Variants in SORCS3 observed in about 807,000 individuals in gnomAD.
The protein encoded by SORCS3 is sortilin related VPS10 domain containing receptor 3.
In SORCS3, 57 loss-of-function variants were observed where a neutral mutation model predicts 146.3. That is an observed-to-expected ratio of 0.39 (90% CI 0.31 to 0.49). The LOEUF (loss-of-function observed/expected upper bound fraction) is 0.49, where lower values mean the gene tolerates loss of function less well. SORCS3 is among the 20% of genes least tolerant of loss of function. The pLI, the probability that SORCS3 is intolerant of heterozygous loss-of-function variation, is 0.92. For synonymous variants in SORCS3, 653 were observed against 618.5 expected (o/e 1.06, Z -0.83); for missense variants, 1,341 against 1,575.5 (o/e 0.85, Z 2.52).
intron 22 of SORCS3, among the ~76,000 whole-genome samples, chr10:105,250,948 A>G (rs2056894461): frequency 6.6e-6 from 1 of 152,174 alleles, no homozygotes; most frequent in South Asian, 2.1e-4. Flanking sequence ...AGCTGAGCAA[A>G]TGGAAAACAA....
At chr10:104,952,255 G>GAAAAAAAA (rs55880149) in intron 3 of SORCS3, among the ~76,000 whole-genome samples, 5 of 40,622 alleles carry the variant, frequency 1.2e-4, no homozygotes, top group Non-Finnish European at 2.2e-4. Context: ...ATGAATGTTT[G>GAAAAAAAA]AAAAAAAAAA....
chr10:105,246,259 T>C (rs2056865612), intron 21 of SORCS3, among the ~76,000 whole-genome samples: 1 of 152,196 alleles, frequency 6.6e-6, no homozygotes, highest in Non-Finnish European at 1.5e-5. Flanking sequence ...TCTACTGCCA[T>C]TTCACACAAC....
chr10:104,661,043 T>C (rs2015693977), intron 1 of SORCS3, among the ~76,000 whole-genome samples: 1 of 152,242 alleles, frequency 6.6e-6, no homozygotes, highest in Non-Finnish European at 1.5e-5. Flanking sequence ...AATTTGCCAT[T>C]AGAATCATTT....
chr10:105,222,789 G>A (rs1447448347), intron 19 of SORCS3, among the ~76,000 whole-genome samples: 2 of 152,152 alleles, frequency 1.3e-5, no homozygotes, highest in African/African-American at 2.4e-5. Context: ...AAAATAGACT[G>A]CTGTTTATCT....
At chr10:104,905,409 G>A (rs2018895130) in intron 2 of SORCS3, among the ~76,000 whole-genome samples, 1 of 152,134 alleles carries the variant, frequency 6.6e-6, no homozygotes, top group South Asian at 2.1e-4. Context: ...TGGCCAGTAG[G>A]ACAACTGGTA....
At chr10:104,701,670 G>A (rs574113582) in intron 1 of SORCS3, among the ~76,000 whole-genome samples, 3 of 152,280 alleles carry the variant, frequency 2.0e-5, no homozygotes, top group Admixed American at 1.3e-4. Context: ...GTTTTCTGTA[G>A]CTTTCTCACT....
At chr10:105,088,400 A>G (rs2055677839) in intron 5 of SORCS3, among the ~76,000 whole-genome samples, 1 of 152,226 alleles carries the variant, frequency 6.6e-6, no homozygotes, top group South Asian at 2.1e-4. Context: ...TTGGGGAAAG[A>G]AGTGTTTTAC....
At chr10:104,695,457 G>T (rs1027998694) in intron 1 of SORCS3, among the ~76,000 whole-genome samples, 2 of 151,608 alleles carry the variant, frequency 1.3e-5, no homozygotes, top group Non-Finnish European at 2.9e-5. Flanking sequence ...CTTGTAGGTG[G>T]TTATAAAAGA....
At chr10:105,184,375 C>G (rs997924399) in intron 14 of SORCS3, among the ~76,000 whole-genome samples, 1 of 152,180 alleles carries the variant, frequency 6.6e-6, no homozygotes, top group Non-Finnish European at 1.5e-5. Context: ...CCCCCCCAAC[C>G]ATTTAAAATG....
intron 6 of SORCS3, among the ~76,000 whole-genome samples, chr10:105,093,575 A>G (rs576015245): frequency 6.6e-6 from 1 of 152,312 alleles, no homozygotes; most frequent in African/African-American, 2.4e-5. Context: ...ATTAAATAAA[A>G]GTTTGAATAG....
rs537015496 is a variant in SORCS3 at position 105,069,183 on chromosome 10, A to G, written c.1029-20592A>G. 1.7e-3 allele frequency among the ~76,000 whole-genome samples: 255 copies of G among 152,318 alleles called. 3 individuals carry two copies. Among genetic ancestry groups the G allele is most frequent in the South Asian group, 5.4e-3 (26 of 4,824 alleles). ...CCCATACCCCACACCAATCACTGTT[A>G]TGCTTACATGCCATAAGATTGTATG... On this transcript the variant is annotated intron_variant, in intron 5 of 26. Coordinates refer to ENST00000369701, the MANE Select transcript of SORCS3 (RefSeq NM_014978.3).
chr10:104,924,280 A>T (rs1404783), intron 3 of SORCS3, among the ~76,000 whole-genome samples: 74,802 of 152,090 alleles, frequency 0.49, 22,136 homozygotes, highest in African/African-American at 0.84. Context: ...AGCAGTTTAC[A>T]GACTCCTAGT....
chr10:104,720,566 G>T (rs1011452219), intron 1 of SORCS3, among the ~76,000 whole-genome samples: 2 of 152,198 alleles, frequency 1.3e-5, no homozygotes, highest in African/African-American at 4.8e-5. Context: ...CTTCCACAAT[G>T]GTCGAACTAG....
intron 5 of SORCS3, among the ~76,000 whole-genome samples, chr10:105,064,933 C>T (rs2055512784): frequency 6.6e-6 from 1 of 152,106 alleles, no homozygotes; most frequent in South Asian, 2.1e-4. Flanking sequence ...ATTCCTTAGT[C>T]CAATCAAGTT....
intron 14 of SORCS3, among the ~76,000 whole-genome samples, chr10:105,179,046 A>T (rs979221864): frequency 6.6e-6 from 1 of 152,126 alleles, no homozygotes; most frequent in Non-Finnish European, 1.5e-5. Flanking sequence ...TCCAATGGTG[A>T]TGGACTTGGA....
At chr10:104,820,063 A>T (rs1299059517) in intron 1 of SORCS3, among the ~76,000 whole-genome samples, 1 of 152,178 alleles carries the variant, frequency 6.6e-6, no homozygotes, top group Non-Finnish European at 1.5e-5. Flanking sequence ...GGAGGTTCTC[A>T]TATGCACCAA....
At chr10:105,194,373 T>G (rs1351950309) in intron 14 of SORCS3, among the ~76,000 whole-genome samples, 1 of 152,180 alleles carries the variant, frequency 6.6e-6, no homozygotes, top group Admixed American at 6.6e-5. Context: ...TGTTGTCTAT[T>G]GTGATTTTCA....
rs559779218 is a variant in SORCS3, at chr10:104,819,490, A to G, written c.628-23302A>G. The stretch of plus-strand genomic sequence containing the variant: ...ACATCTCCTCCTCTCATATGCCCAC[A>G]ATACCCGATAAATCCTTTGCACATT... On this transcript the variant is annotated intron_variant, in intron 1 of 26. Transcript: ENST00000369701. 2.0e-5 allele frequency among the ~76,000 whole-genome samples: 3 copies of G among 152,298 alleles called. No homozygotes were observed. The East Asian group carries it at 5.8e-4, about 29-fold the overall frequency.
intron 14 of SORCS3, among the ~76,000 whole-genome samples, chr10:105,185,734 T>C (rs1306817072): frequency 1.3e-5 from 2 of 152,178 alleles, no homozygotes; most frequent in African/African-American, 2.4e-5. Flanking sequence ...CAGGAAATCC[T>C]AGATAGAATT....
Sources: allele counts gnomAD v4.1 joint callset (sites outside exome capture counted in the v4.1 genomes callset), GRCh38; gene constraint gnomAD v4.1.1; transcripts MANE v1.5; gene names NCBI Gene and HGNC (gene_info 2026-07-23, HGNC 2026-07-21).